HECA: variants seen among roughly 807,000 people sequenced by gnomAD.
HECA encodes HECA ribonucleoprotein granule regulator, also known as headcase protein homolog.
In HECA, 13 loss-of-function variants were observed where a neutral mutation model predicts 37.6. The ratio of observed to expected loss-of-function variants is 0.35; its 90% confidence interval spans 0.23 to 0.55. The LOEUF (loss-of-function observed/expected upper bound fraction) is 0.55, where lower values mean the gene tolerates loss of function less well. Ranked by LOEUF, HECA falls within the 20% of genes least tolerant of loss-of-function variation. The probability of loss-of-function intolerance (pLI) is 0.90; values close to 1 mark genes in which losing one functional copy is unlikely to be tolerated. For synonymous variants in HECA, 307 were observed against 291.5 expected (o/e 1.05, Z -0.54); for missense variants, 527 against 701.9 (o/e 0.75, Z 2.82).
chr6:139,160,578 T>G (rs1774784983), intron 1 of HECA, among the ~76,000 whole-genome samples: 1 of 152,182 alleles, frequency 6.6e-6, no homozygotes, highest in Non-Finnish European at 1.5e-5. Context: ...TGAGCCCAAC[T>G]AATTTTTTAA....
chr6:139,145,619 A>G (rs1774576172), intron 1 of HECA, among the ~76,000 whole-genome samples: 1 of 152,244 alleles, frequency 6.6e-6, no homozygotes, highest in African/African-American at 2.4e-5. Context: ...GGGTCTGCAA[A>G]TTAAATTGAC....
intron 1 of HECA, among the ~76,000 whole-genome samples, chr6:139,136,791 C>T (rs975629124): frequency 3.3e-5 from 5 of 152,066 alleles, no homozygotes; most frequent in Admixed American, 6.6e-5. Flanking sequence ...CCCGCCACCA[C>T]GCCCGGCTAA....
intron 1 of HECA, among the ~76,000 whole-genome samples, chr6:139,159,490 A>G (rs1450844491): frequency 6.6e-6 from 1 of 151,974 alleles, no homozygotes; most frequent in Non-Finnish European, 1.5e-5. Flanking sequence ...TGGGTGCCAC[A>G]AGGAGGGTAG....
chr6:139,168,912 C>A (rs1774932459), intron 2 of HECA, among the ~76,000 whole-genome samples: 1 of 152,200 alleles, frequency 6.6e-6, no homozygotes, highest in African/African-American at 2.4e-5. Context: ...TCCCATCTTA[C>A]AATGTCACTA....
At chr6:139,142,277 G>T (rs1203230293) in intron 1 of HECA, among the ~76,000 whole-genome samples, 2 of 152,074 alleles carry the variant, frequency 1.3e-5, no homozygotes, top group African/African-American at 2.4e-5. Context: ...TTGCACTGGG[G>T]ATTAAGTTTC....
intron 1 of HECA, among the ~76,000 whole-genome samples, chr6:139,138,707 C>T (rs377141392): frequency 2.6e-5 from 4 of 152,180 alleles, no homozygotes; most frequent in African/African-American, 9.7e-5. Context: ...AGAAGATGAA[C>T]TGGCTGCAGT....
intron 1 of HECA, among the ~76,000 whole-genome samples, chr6:139,140,060 A>G (rs1399716500): frequency 6.6e-6 from 1 of 152,206 alleles, no homozygotes; most frequent in Non-Finnish European, 1.5e-5. Context: ...TTTTTGGAGT[A>G]CCACCTGTTC....
intron 1 of HECA, among the ~76,000 whole-genome samples, chr6:139,142,586 G>A (rs890871985): frequency 6.6e-6 from 1 of 152,154 alleles, no homozygotes. Flanking sequence ...TGGAGCAGAT[G>A]CTGTCGTACA....
intron 1 of HECA, among the ~76,000 whole-genome samples, chr6:139,144,802 C>T (rs1774562191): frequency 6.6e-6 from 1 of 152,198 alleles, no homozygotes; most frequent in Non-Finnish European, 1.5e-5. Flanking sequence ...GGGCACATGG[C>T]ACATGCTGCT....
rs563500728 is a variant in HECA, at chr6:139,137,617, C to T, written c.271+1950C>T. Among the ~76,000 whole-genome samples, 21 of 147,366 alleles carry T rather than the reference C, an allele frequency of 1.4e-4. 1 individual carries two copies. In the East Asian group the frequency reaches 3.7e-3, roughly 26 times the overall value. On this transcript the variant is annotated intron_variant, in intron 1 of 3. Transcript: ENST00000367658. ...GGTGGTTTTGGTTTGCTCTGCCCAC[C>T]CCCCTACCAGCTCCTTTTTTTTTTT...
At chr6:139,143,775 C>T (rs1390330993) in intron 1 of HECA, among the ~76,000 whole-genome samples, 1 of 151,358 alleles carries the variant, frequency 6.6e-6, no homozygotes, top group Non-Finnish European at 1.5e-5. Context: ...GCAGGAGAAT[C>T]GCTTGAACCC....
chr6:139,141,588 C>G (rs1032799198), intron 1 of HECA, among the ~76,000 whole-genome samples: 1 of 152,150 alleles, frequency 6.6e-6, no homozygotes, highest in Admixed American at 6.5e-5. Flanking sequence ...TCTCACAGTT[C>G]TAGAAGCTGG....
chr6:139,150,474 TAAAA>T (rs60587674), intron 1 of HECA, among the ~76,000 whole-genome samples: 3 of 144,660 alleles, frequency 2.1e-5, no homozygotes, highest in African/African-American at 5.0e-5. Flanking sequence ...AGAGTGGGGC[TAAAA>T]AAAAAAAAAG....
intron 1 of HECA, among the ~76,000 whole-genome samples, chr6:139,153,424 ATT>A (rs778574916): frequency 2.8e-5 from 4 of 143,538 alleles, no homozygotes; most frequent in African/African-American, 5.1e-5. Flanking sequence ...AAATAATGTA[ATT>A]TTTTTTTTTT....
Position 139,180,527 on chromosome 6 carries a change from C to T in HECA, c.*3422C>T, listed in dbSNP as rs949512362. On this transcript the variant is annotated 3_prime_UTR_variant, in exon 4 of 4. Transcript: ENST00000367658. ...TTCCTATAATAGGATGCTGCCTAAC[C>T]CAGTTCATCTCTATGTCCTGTTCAC... 1 of 152,568 alleles carries T rather than the reference C, an allele frequency of 6.6e-6. No individual in the cohort carries two copies. The highest frequency in any genetic ancestry group is 1.5e-5 in the Non-Finnish European group (1 of 68,024). 9.5% of individuals were successfully genotyped at this position (152,568 alleles called of 1,614,324 possible).
rs1322971627 is a variant in HECA at position 139,135,619 on chromosome 6, A to G, written c.223A>G (p.Asn75Asp). Residue 75 changes from asparagine (N) to aspartate (D), a missense_variant, in exon 1 of 4, where the codon AAC becomes GAC. Physicochemically the swap from Asn to Asp is conservative, Grantham distance 23 (BLOSUM62 1). Coordinates refer to ENST00000367658, the MANE Select transcript of HECA (RefSeq NM_016217.3). ...GAGGAGTGAA[N>D]AAAAAGAAAA... is the part of the protein sequence containing the mutation. The stretch of plus-strand genomic sequence containing the variant: ...CGGAGGCGCGGGGACTGGCGCCGCG[A>G]ACGCTGCGGCCGCCGCGGGGGCTGC... 2.6e-5 allele frequency: 25 copies of G among 961,224 alleles called. 1 individual carries two copies. The highest frequency in any genetic ancestry group is 4.8e-5 in the South Asian group (1 of 20,708). The allele number at this position is 961,224 out of a possible 1,614,324, so 59.5% of individuals were successfully genotyped here.
chr6:139,135,250 C>G lies in HECA; in HGVS notation c.-147C>G. On this transcript the variant is annotated 5_prime_UTR_variant, in exon 1 of 4. Transcript: ENST00000367658. Reference sequence around the variant, plus strand: ...GCGGCCAGGATGGCGCGGCACGGGCCGTGCGGCTAGACGGGAGCCGAGGGA... The same window carrying G: ...GCGGCCAGGATGGCGCGGCACGGGCGGTGCGGCTAGACGGGAGCCGAGGGA... The G allele has an allele frequency of 1.8e-6, 1 of 567,530 alleles. No homozygotes were observed. Among genetic ancestry groups the G allele is most frequent in the South Asian group, 6.8e-5 (1 of 14,710 alleles). 35.2% of individuals were successfully genotyped at this position (567,530 alleles called of 1,614,324 possible).
At chr6:139,149,125 T>C (rs1774618553) in intron 1 of HECA, among the ~76,000 whole-genome samples, 1 of 152,188 alleles carries the variant, frequency 6.6e-6, no homozygotes, top group African/African-American at 2.4e-5. Flanking sequence ...TGTATATTAA[T>C]AAAATGAGAA....
chr6:139,170,779 G>GT (rs1266582767), intron 2 of HECA, among the ~76,000 whole-genome samples: 2 of 152,030 alleles, frequency 1.3e-5, no homozygotes, highest in Non-Finnish European at 2.9e-5. Context: ...GATTTTCAGT[G>GT]TTTTTTTAAA....
Sources: allele counts gnomAD v4.1 joint callset (sites outside exome capture counted in the v4.1 genomes callset), GRCh38; gene constraint gnomAD v4.1.1; transcripts MANE v1.5; gene names NCBI Gene and HGNC (gene_info 2026-07-23, HGNC 2026-07-21).